HECW1: variants seen among roughly 807,000 people sequenced by gnomAD.
HECW1 encodes the protein E3 ubiquitin-protein ligase HECW1.
A neutral mutation model predicts 182.3 loss-of-function variants in HECW1; 61 were observed. The ratio of observed to expected loss-of-function variants is 0.33; its 90% confidence interval spans 0.27 to 0.41. The LOEUF (loss-of-function observed/expected upper bound fraction) is 0.41. HECW1 is among the 10% of genes least tolerant of loss of function. The pLI is 1.00. For missense variants in HECW1, 1,739 were observed against 2,108.9 expected (o/e 0.82, Z 3.44); for synonymous variants, 859 against 832.6 (o/e 1.03, Z -0.55).
Position 43,392,990 on chromosome 7 carries a change from G to A in HECW1, c.556-3824G>A, listed in dbSNP as rs141174520. Among the ~76,000 whole-genome samples, 1,142 of 152,232 alleles carry A rather than the reference G, an allele frequency of 7.5e-3. 13 individuals carry two copies. Among genetic ancestry groups the A allele is most frequent in the African/African-American group, 0.026 (1,082 of 41,538 alleles). ...AGAGAGAAAATGAGAATGAGAGTAG[G>A]AGAGAAAGACATCTGAATTAACCTC... On this transcript the variant is annotated intron_variant, in intron 6 of 29. Coordinates refer to ENST00000395891, the MANE Select transcript of HECW1 (RefSeq NM_015052.5).
intron 2 of HECW1, among the ~76,000 whole-genome samples, chr7:43,126,067 C>CTTTTTTTTTTTTTT (rs71008891): frequency 1.9e-5 from 2 of 103,984 alleles, no homozygotes; most frequent in Admixed American, 1.2e-4. Flanking sequence ...TTTGTTCTCA[C>CTTTTTTTTTTTTTT]TTTTTTTTTT....
intron 13 of HECW1, 34 bp from the exon 14 acceptor site, chr7:43,463,626 G>A (rs1233148812): frequency 1.2e-6 from 2 of 1,600,918 alleles, no homozygotes; most frequent in African/African-American, 1.3e-5. Context: ...GCAAACCAAA[G>A]TTAACTCCTG....
intron 8 of HECW1, among the ~76,000 whole-genome samples, chr7:43,412,520 G>A (rs569998054): frequency 4.9e-4 from 74 of 150,332 alleles, no homozygotes; most frequent in African/African-American, 1.8e-3. Context: ...AGTTACATAT[G>A]TATACATGTG....
At chr7:43,194,220 G>A (rs1476075782) in intron 2 of HECW1, among the ~76,000 whole-genome samples, 1 of 152,074 alleles carries the variant, frequency 6.6e-6, no homozygotes, top group Non-Finnish European at 1.5e-5. Flanking sequence ...TCAGTCAGTT[G>A]AGTGGCTTGG....
intron 2 of HECW1, among the ~76,000 whole-genome samples, chr7:43,133,283 G>A (rs907921229): frequency 1.3e-5 from 2 of 151,510 alleles, no homozygotes; most frequent in African/African-American, 4.8e-5. Flanking sequence ...AGATTAGTTT[G>A]CATTTTTATT....
At chr7:43,160,431 T>C (rs1790410560) in intron 2 of HECW1, among the ~76,000 whole-genome samples, 1 of 152,234 alleles carries the variant, frequency 6.6e-6, no homozygotes, top group Admixed American at 6.5e-5. Flanking sequence ...CTAATACTTT[T>C]ATGGTTTTCT....
intron 24 of HECW1, among the ~76,000 whole-genome samples, chr7:43,530,348 C>A (rs569112280): frequency 3.9e-5 from 6 of 152,000 alleles, no homozygotes; most frequent in Admixed American, 2.6e-4. Context: ...CCATTGTCAC[C>A]TAGTTTTTAT....
At chr7:43,144,504 C>G (rs1788490638) in intron 2 of HECW1, among the ~76,000 whole-genome samples, 2 of 152,140 alleles carry the variant, frequency 1.3e-5, no homozygotes, top group Non-Finnish European at 2.9e-5. Context: ...CTCTTCTCCC[C>G]CATTGATTAG....
intron 3 of HECW1, among the ~76,000 whole-genome samples, chr7:43,278,269 C>T (rs1289000971): frequency 1.3e-5 from 2 of 152,122 alleles, no homozygotes; most frequent in African/African-American, 2.4e-5. Context: ...CGATTCCCTC[C>T]TTCCTGTTTC....
chr7:43,455,745 C>G (rs1241662948), intron 12 of HECW1, among the ~76,000 whole-genome samples: 1 of 152,186 alleles, frequency 6.6e-6, no homozygotes, highest in Non-Finnish European at 1.5e-5. Context: ...AATCTCAGCA[C>G]TTTGGAAGGC....
At position 43,308,969 on chromosome 7, in the gene HECW1, A is replaced by G. The variant is rs1808147574; in HGVS notation, c.28-2794A>G. Among the ~76,000 whole-genome samples, 3 of 152,204 alleles carry G rather than the reference A, an allele frequency of 2.0e-5. No homozygotes were observed. In the South Asian group the frequency reaches 6.2e-4, roughly 31 times the overall value. On this transcript the variant is annotated intron_variant, in intron 3 of 29. Coordinates refer to ENST00000395891, the MANE Select transcript of HECW1 (RefSeq NM_015052.5). ...ATCTTAAACCCTTTCTGGAACAAGA[A>G]GGGATATCACTGAATAAAATAATTT...
At chr7:43,130,319 A>G (rs1034029644) in intron 2 of HECW1, among the ~76,000 whole-genome samples, 2 of 152,206 alleles carry the variant, frequency 1.3e-5, no homozygotes, top group African/African-American at 2.4e-5. Context: ...ACCTAAATCT[A>G]AACGTGAAAT....
intron 2 of HECW1, among the ~76,000 whole-genome samples, chr7:43,119,986 A>G (rs1785425470): frequency 6.6e-6 from 1 of 152,178 alleles, no homozygotes; most frequent in East Asian, 1.9e-4. Context: ...TCATTCATTC[A>G]TTCATTCAAC....
rs142907079 is a variant in HECW1, at chr7:43,174,025, G to A, written c.-32+59634G>A. Among the ~76,000 whole-genome samples the A allele has an allele frequency of 2.9e-3, 434 of 152,108 alleles. 2 individuals are homozygous for A. Among genetic ancestry groups the A allele is most frequent in the African/African-American group, 0.01 (422 of 41,492 alleles). On this transcript the variant is annotated intron_variant, in intron 2 of 29. Coordinates refer to ENST00000395891, the MANE Select transcript of HECW1 (RefSeq NM_015052.5). ...GCTAATTTTTTAAAATTTTCTTGTA[G>A]AGACAATGTCTTGCTTTTTTGGCCA... is the stretch of plus-strand genomic sequence containing the variant.
intron 4 of HECW1, among the ~76,000 whole-genome samples, chr7:43,313,646 G>T (rs1415205627): frequency 6.6e-6 from 1 of 152,140 alleles, no homozygotes; most frequent in Non-Finnish European, 1.5e-5. Flanking sequence ...CGCATATTTT[G>T]TTTCATTTAC....
At chr7:43,272,364 G>A (rs187523471) in intron 3 of HECW1, among the ~76,000 whole-genome samples, 422 of 152,184 alleles carry the variant, frequency 2.8e-3, no homozygotes, top group African/African-American at 9.4e-3. Flanking sequence ...CTTCTGCATG[G>A]CAAAAGAAAC....
intron 7 of HECW1, among the ~76,000 whole-genome samples, chr7:43,398,176 G>A (rs2075292461): frequency 6.6e-6 from 1 of 152,126 alleles, no homozygotes; most frequent in African/African-American, 2.4e-5. Context: ...AGAATGGCTT[G>A]AACATGGGAG....
rs903292456 is a variant in HECW1, at chr7:43,371,234, T to C, written c.555+10254T>C. 2.0e-5 allele frequency among the ~76,000 whole-genome samples: 3 copies of C among 152,148 alleles called. No individual in the cohort carries two copies. In the East Asian group the frequency reaches 5.8e-4, roughly 29 times the overall value. On this transcript the variant is annotated intron_variant, in intron 6 of 29. Transcript: ENST00000395891. Reference sequence around the variant, plus strand: ...CTATGATGGTGGCTACATGTTATTATACATTTGTCAAAACCCACAGAATAT... The same window carrying C: ...CTATGATGGTGGCTACATGTTATTACACATTTGTCAAAACCCACAGAATAT...
At chr7:43,425,685 C>T (rs985897136) in intron 8 of HECW1, among the ~76,000 whole-genome samples, 4 of 152,102 alleles carry the variant, frequency 2.6e-5, no homozygotes, top group Admixed American at 6.5e-5. Context: ...AGTAGAAAGA[C>T]AGAAGCAGAA....
Sources: gnomAD v4.1 joint callset for allele counts (sites outside exome capture counted in the v4.1 genomes callset) on GRCh38, gnomAD v4.1.1 for gene constraint, MANE v1.5 for transcripts, NCBI Gene and HGNC (gene_info 2026-07-23, HGNC 2026-07-21) for gene names.